DGKI: variants seen among roughly 807,000 people sequenced by gnomAD.
DGKI encodes the protein diacylglycerol kinase iota.
In DGKI, 55 loss-of-function variants were observed where a neutral mutation model predicts 147.5. That is an observed-to-expected ratio of 0.37 (90% CI 0.30 to 0.47). DGKI has a LOEUF of 0.47. DGKI is among the 20% of genes least tolerant of loss of function. DGKI has a pLI of 1.00. For missense variants in DGKI, 1,007 were observed against 1,323.8 expected, an observed-to-expected ratio of 0.76 and a Z score of 3.71; for synonymous variants, 469 against 477.1, an observed-to-expected ratio of 0.98 and a Z score of 0.22.
At chr7:137,772,473 CA>C (rs147793292) in intron 1 of DGKI, among the ~76,000 whole-genome samples, 3 of 151,670 alleles carry the variant, frequency 2.0e-5, no homozygotes, top group Non-Finnish European at 4.4e-5. Flanking sequence ...AGGGAGGTAT[CA>C]AAAAAACATT....
chr7:137,689,562 G>A (rs1823533380), intron 2 of DGKI, among the ~76,000 whole-genome samples: 2 of 152,192 alleles, frequency 1.3e-5, no homozygotes, highest in Admixed American at 1.3e-4. Flanking sequence ...TAGATTGCGA[G>A]ATGTTGCACT....
At chr7:137,434,577 T>C (rs1383217151) in intron 28 of DGKI, among the ~76,000 whole-genome samples, 1 of 152,152 alleles carries the variant, frequency 6.6e-6, no homozygotes, top group Non-Finnish European at 1.5e-5. Context: ...CAAGACTTCA[T>C]CTCAAAACAA....
At chr7:137,567,228 C>T (rs1303346027) in intron 19 of DGKI, among the ~76,000 whole-genome samples, 4 of 149,716 alleles carry the variant, frequency 2.7e-5, no homozygotes, top group Admixed American at 2.0e-4. Context: ...TGCACCATTG[C>T]ACTCCAGCCT....
intron 1 of DGKI, among the ~76,000 whole-genome samples, chr7:137,720,609 AT>A (rs1794527084): frequency 6.6e-6 from 1 of 152,078 alleles, no homozygotes; most frequent in African/African-American, 2.4e-5. Context: ...TTTTGGTAAT[AT>A]CCCCCATACA....
chr7:137,383,574 T>C lies in DGKI; in HGVS notation c.*7646A>G, dbSNP rs1482682260. On this transcript the variant is annotated 3_prime_UTR_variant, in exon 33 of 33. Coordinates refer to ENST00000614521, the MANE Select transcript of DGKI (RefSeq NM_001321708.2). The stretch of plus-strand genomic sequence containing the variant: ...CCAAGATCTCTCACAATTAAAGATA[T>C]GCCTTTGATCTCTGAGTTAGTTGTT... The C allele has an allele frequency of 6.6e-6, 1 of 151,972 alleles. No individual in the cohort carries two copies. The highest frequency in any genetic ancestry group is 1.5e-5 in the Non-Finnish European group (1 of 67,926). 9.4% of individuals were successfully genotyped at this position (151,972 alleles called of 1,614,324 possible). A position where few individuals can be genotyped will look rare whatever the true frequency, so the allele number is the denominator to read the frequency against.
At chr7:137,657,620 C>T (rs1367377466) in intron 3 of DGKI, among the ~76,000 whole-genome samples, 1 of 152,162 alleles carries the variant, frequency 6.6e-6, no homozygotes, top group Non-Finnish European at 1.5e-5. Flanking sequence ...TGTACTATAA[C>T]TAAGCCTGTC....
chr7:137,638,467 T>TATATAC (rs1491101912), intron 6 of DGKI, among the ~76,000 whole-genome samples: 2 of 122,186 alleles, frequency 1.6e-5, no homozygotes, highest in Non-Finnish European at 3.3e-5. Context: ...TATATGTGTG[T>TATATAC]ATATATGTGT....
At chr7:137,427,215 G>A (rs1392098786) in intron 28 of DGKI, among the ~76,000 whole-genome samples, 3 of 152,160 alleles carry the variant, frequency 2.0e-5, no homozygotes, top group Non-Finnish European at 4.4e-5. Context: ...AGACCACAGT[G>A]CAATCAAACT....
At chr7:137,816,119 T>C (rs1227760538) in intron 1 of DGKI, among the ~76,000 whole-genome samples, 3 of 152,198 alleles carry the variant, frequency 2.0e-5, no homozygotes, top group African/African-American at 7.2e-5. Context: ...TAGTTCATTA[T>C]ATTTCCCGTC....
chr7:137,735,536 T>C (rs1194918440), intron 1 of DGKI, among the ~76,000 whole-genome samples: 1 of 138,462 alleles, frequency 7.2e-6, no homozygotes, highest in East Asian at 2.0e-4. Flanking sequence ...TATGATGAGG[T>C]AGACGGGTTT....
intron 1 of DGKI, among the ~76,000 whole-genome samples, chr7:137,827,451 A>G (rs1423386817): frequency 6.6e-6 from 1 of 152,078 alleles, no homozygotes; most frequent in African/African-American, 2.4e-5. Flanking sequence ...CATTTCTACC[A>G]CTGTATCCTT....
At chr7:137,698,133 G>T (rs1020658483) in intron 1 of DGKI, among the ~76,000 whole-genome samples, 1 of 148,802 alleles carries the variant, frequency 6.7e-6, no homozygotes, top group African/African-American at 2.5e-5. Context: ...TATAGATATA[G>T]ATATAACTCC....
chr7:137,661,259 C>T (rs1408114857), intron 3 of DGKI, among the ~76,000 whole-genome samples: 1 of 152,106 alleles, frequency 6.6e-6, no homozygotes, highest in Non-Finnish European at 1.5e-5. Flanking sequence ...CTTAGTCTCC[C>T]CATCTCAGAG....
intron 3 of DGKI, among the ~76,000 whole-genome samples, chr7:137,664,294 C>T (rs1822551184): frequency 6.8e-6 from 1 of 146,326 alleles, no homozygotes; most frequent in South Asian, 2.2e-4. Context: ...ATGAGAATCA[C>T]TTGAACCTGG....
intron 1 of DGKI, among the ~76,000 whole-genome samples, chr7:137,707,213 G>T (rs762084579): frequency 1.3e-5 from 2 of 152,152 alleles, no homozygotes; most frequent in Non-Finnish European, 2.9e-5. Flanking sequence ...TCTGCTTATC[G>T]TAAGTACCTC....
chr7:137,843,689 T>A (rs1422717412), intron 1 of DGKI, among the ~76,000 whole-genome samples: 2 of 150,710 alleles, frequency 1.3e-5, no homozygotes, highest in East Asian at 3.9e-4. Flanking sequence ...GCCCACCCAC[T>A]CCTCATTTAT....
At chr7:137,654,348 T>C (rs1354884998) in intron 5 of DGKI, among the ~76,000 whole-genome samples, 1 of 152,202 alleles carries the variant, frequency 6.6e-6, no homozygotes, top group Non-Finnish European at 1.5e-5. Context: ...GAATGGCTTA[T>C]ACCCACTCAA....
At chr7:137,600,261 A>G (rs1355347724) in intron 10 of DGKI, among the ~76,000 whole-genome samples, 1 of 152,192 alleles carries the variant, frequency 6.6e-6, no homozygotes, top group East Asian at 1.9e-4. Context: ...AAAAATAATA[A>G]GTGAGTGAAT....
At chr7:137,785,205 A>G (rs1796631315) in intron 1 of DGKI, among the ~76,000 whole-genome samples, 2 of 152,120 alleles carry the variant, frequency 1.3e-5, no homozygotes, top group Admixed American at 6.5e-5. Context: ...CTTTGAAAAT[A>G]TAAATAAAAT....
Sources: allele counts gnomAD v4.1 joint callset (sites outside exome capture counted in the v4.1 genomes callset), GRCh38; gene constraint gnomAD v4.1.1; transcripts MANE v1.5; gene names NCBI Gene and HGNC (gene_info 2026-07-23, HGNC 2026-07-21).